Variants in NXPH1 observed in about 807,000 individuals in gnomAD.
NXPH1 encodes neurexophilin-1.
A neutral mutation model predicts 23.7 loss-of-function variants in NXPH1; 5 were observed. The observed-to-expected ratio is 0.21, with a 90% confidence interval of 0.11 to 0.44. The LOEUF is 0.44. Among genes scored for constraint, NXPH1 ranks in the 20% least tolerant of loss-of-function variants. The pLI is 0.99. For missense variants in NXPH1, 324 were observed against 321.6 expected, an observed-to-expected ratio of 1.01 and a Z score of -0.06; for synonymous variants, 144 against 122.2, an observed-to-expected ratio of 1.18 and a Z score of -1.18.
At chr7:8,545,523 C>G (rs1378792080) in intron 2 of NXPH1, among the ~76,000 whole-genome samples, 1 of 151,280 alleles carries the variant, frequency 6.6e-6, no homozygotes, top group Non-Finnish European at 1.5e-5. Flanking sequence ...ACATATATAC[C>G]TCAATACACA....
chr7:8,594,640 G>C (rs371278160), intron 2 of NXPH1, among the ~76,000 whole-genome samples: 2 of 151,928 alleles, frequency 1.3e-5, no homozygotes, highest in South Asian at 2.1e-4. Flanking sequence ...TGAGGACTTG[G>C]GGGGAAGAGA....
At chr7:8,628,194 T>C (rs1210872793) in intron 2 of NXPH1, among the ~76,000 whole-genome samples, 1 of 152,116 alleles carries the variant, frequency 6.6e-6, no homozygotes, top group Non-Finnish European at 1.5e-5. Flanking sequence ...CTACATACTA[T>C]TTCCTCAAAA....
chr7:8,456,034 A>G (rs1281289558), intron 2 of NXPH1, among the ~76,000 whole-genome samples: 1 of 152,166 alleles, frequency 6.6e-6, no homozygotes, highest in East Asian at 1.9e-4. Flanking sequence ...GAAGAGAGGA[A>G]AGCCAGGCAT....
intron 2 of NXPH1, among the ~76,000 whole-genome samples, chr7:8,705,408 C>G (rs1368483449): frequency 6.6e-6 from 1 of 152,132 alleles, no homozygotes; most frequent in Non-Finnish European, 1.5e-5. Context: ...ACTTCTGGAA[C>G]TTTTCATCCC....
intron 2 of NXPH1, among the ~76,000 whole-genome samples, chr7:8,586,059 A>G (rs1460116565): frequency 6.6e-6 from 1 of 152,194 alleles, no homozygotes; most frequent in South Asian, 2.1e-4. Context: ...AGTTTGCTGT[A>G]GAGATGGAGT....
At chr7:8,447,547 A>G (rs1816426908) in intron 2 of NXPH1, among the ~76,000 whole-genome samples, 1 of 152,250 alleles carries the variant, frequency 6.6e-6, no homozygotes, top group Non-Finnish European at 1.5e-5. Context: ...CAGAATTGTG[A>G]ACAGCTGCAG....
chr7:8,575,067 A>T (rs1245579445), intron 2 of NXPH1, among the ~76,000 whole-genome samples: 1 of 152,088 alleles, frequency 6.6e-6, no homozygotes, highest in Non-Finnish European at 1.5e-5. Flanking sequence ...ATTATGTTTG[A>T]CTCTGACATT....
chr7:8,488,825 T>G (rs1476862393), intron 2 of NXPH1, among the ~76,000 whole-genome samples: 1 of 152,166 alleles, frequency 6.6e-6, no homozygotes, highest in Non-Finnish European at 1.5e-5. Context: ...GTACAGTTTC[T>G]GGAAGATAGT....
intron 2 of NXPH1, among the ~76,000 whole-genome samples, chr7:8,594,778 T>A (rs546441892): frequency 1.5e-4 from 23 of 152,160 alleles, no homozygotes; most frequent in African/African-American, 5.5e-4. Flanking sequence ...AGAAACCTGG[T>A]GTCCCTAAAG....
chr7:8,668,850 C>A (rs1464704074), intron 2 of NXPH1, among the ~76,000 whole-genome samples: 1 of 151,790 alleles, frequency 6.6e-6, no homozygotes, highest in Non-Finnish European at 1.5e-5. Flanking sequence ...GCTACCCTAG[C>A]ACTGCCCTGG....
intron 2 of NXPH1, among the ~76,000 whole-genome samples, chr7:8,580,953 C>G (rs963515317): frequency 2.6e-5 from 4 of 152,076 alleles, no homozygotes; most frequent in African/African-American, 9.7e-5. Context: ...ATCAATTCTT[C>G]TAGTCCTCTA....
chr7:8,730,664 T>G (rs1490151800), intron 2 of NXPH1, among the ~76,000 whole-genome samples: 1 of 152,222 alleles, frequency 6.6e-6, no homozygotes, highest in Non-Finnish European at 1.5e-5. Context: ...TGTTGAATAT[T>G]GGCCCCCACT....
At chr7:8,729,283 A>G (rs1351738928) in intron 2 of NXPH1, among the ~76,000 whole-genome samples, 24 of 147,286 alleles carry the variant, frequency 1.6e-4, no homozygotes, top group Non-Finnish European at 3.6e-4. Context: ...ATCCTTTCAA[A>G]AAACCAGCTC....
At chr7:8,627,332 T>C (rs1820013887) in intron 2 of NXPH1, among the ~76,000 whole-genome samples, 1 of 152,066 alleles carries the variant, frequency 6.6e-6, no homozygotes, top group South Asian at 2.1e-4. Context: ...CATATATAGA[T>C]AGGCAAGTCT....
chr7:8,616,572 T>A (rs557156644), intron 2 of NXPH1, among the ~76,000 whole-genome samples: 1 of 152,130 alleles, frequency 6.6e-6, no homozygotes, highest in East Asian at 1.9e-4. Context: ...GAGGAATGAA[T>A]TAAGGAAGAA....
chr7:8,669,489 T>C (rs1392111470), intron 2 of NXPH1, among the ~76,000 whole-genome samples: 2 of 152,112 alleles, frequency 1.3e-5, no homozygotes, highest in East Asian at 1.9e-4. Flanking sequence ...ACTCAACTGG[T>C]TTTGGCACTA....
chr7:8,469,973 A>G (rs1816847155), intron 2 of NXPH1, among the ~76,000 whole-genome samples: 1 of 152,174 alleles, frequency 6.6e-6, no homozygotes. Flanking sequence ...TCCAAAGCCC[A>G]TGTCCCTCTC....
intron 2 of NXPH1, among the ~76,000 whole-genome samples, chr7:8,592,765 T>C (rs1382553883): frequency 1.3e-5 from 2 of 151,964 alleles, no homozygotes; most frequent in African/African-American, 4.8e-5. Flanking sequence ...GTTCCCGTAA[T>C]GCTTTATTTT....
intron 2 of NXPH1, among the ~76,000 whole-genome samples, chr7:8,453,906 T>C (rs1041061933): frequency 1.1e-4 from 16 of 152,262 alleles, no homozygotes; most frequent in Admixed American, 9.8e-4. Flanking sequence ...GCATTTATAA[T>C]AGAGTGATTT....
Sources: allele counts gnomAD v4.1 joint callset (sites outside exome capture counted in the v4.1 genomes callset), GRCh38; gene constraint gnomAD v4.1.1; transcripts MANE v1.5; gene names NCBI Gene and HGNC (gene_info 2026-07-23, HGNC 2026-07-21).